Variants in RALGAPA1 observed in about 807,000 individuals in gnomAD.
RALGAPA1 encodes ral GTPase-activating protein subunit alpha-1.
A neutral mutation model predicts 269.6 loss-of-function variants in RALGAPA1; 52 were observed. The observed-to-expected ratio is 0.19, with a 90% confidence interval of 0.15 to 0.24. RALGAPA1 has a LOEUF of 0.24. Ranked by LOEUF, RALGAPA1 falls within the 10% of genes least tolerant of loss-of-function variation. The pLI, the probability that RALGAPA1 is intolerant of heterozygous loss-of-function variation, is 1.00. For synonymous variants in RALGAPA1, 817 were observed against 1,008.3 expected (o/e 0.81, Z 3.60); for missense variants, 1,917 against 3,013.9 (o/e 0.64, Z 8.52).
At chr14:35,701,123 T>C (rs1447897807) in intron 16 of RALGAPA1, among the ~76,000 whole-genome samples, 1 of 152,204 alleles carries the variant, frequency 6.6e-6, no homozygotes, top group African/African-American at 2.4e-5. Context: ...GGAGAGTCCC[T>C]AGTTCACAAA....
intron 8 of RALGAPA1, 77 bp from the exon 9 acceptor site, chr14:35,750,767 C>T (rs1459277543): frequency 5.8e-6 from 7 of 1,205,090 alleles, no homozygotes; most frequent in Admixed American, 2.3e-5. Context: ...TTTTTAAATA[C>T]TTGAGAAAAT....
At chr14:35,600,234 T>TTTTTC (rs1555369708) in intron 36 of RALGAPA1, among the ~76,000 whole-genome samples, 10 of 138,518 alleles carry the variant, frequency 7.2e-5, no homozygotes, top group African/African-American at 1.7e-4. Flanking sequence ...CTTTTTTTCT[T>TTTTTC]TTTTTTTTTT....
chr14:35,589,345 ATGACTATAGTTAAGAACAACATGC>A (rs2058496978), intron 37 of RALGAPA1, among the ~76,000 whole-genome samples: 1 of 152,176 alleles, frequency 6.6e-6, no homozygotes, highest in South Asian at 2.1e-4. Flanking sequence ...GTACAACATA[ATGACTATAGTTAAGAACAACATGC>A]TGTATACTTG....
At chr14:35,644,662 T>C (rs1243847255) in intron 31 of RALGAPA1, among the ~76,000 whole-genome samples, 2 of 152,136 alleles carry the variant, frequency 1.3e-5, no homozygotes, top group Non-Finnish European at 2.9e-5. Context: ...GGAAACCAGA[T>C]TTTTCATTGC....
chr14:35,696,738 AG>A (rs1273011457), intron 17 of RALGAPA1, among the ~76,000 whole-genome samples: 1 of 152,088 alleles, frequency 6.6e-6, no homozygotes, highest in African/African-American at 2.4e-5. Context: ...CGTTTCATTG[AG>A]GTTTTTTTTT....
chr14:35,756,926 A>G lies in RALGAPA1; in HGVS notation c.548-18T>C, dbSNP rs1372461047. ...GACTTGAGCTATCCAAAGACAAAAG[A>G]ATAGTATATAGTTACAAAACAAATT... On this transcript the variant is annotated intron_variant, in intron 6 of 41. Transcript: ENST00000680220. 3.2e-6 allele frequency: 5 copies of G among 1,585,704 alleles called. No individual in the cohort carries two copies. The highest frequency in any genetic ancestry group is 1.4e-5 in the African/African-American group (1 of 73,902).
intron 17 of RALGAPA1, among the ~76,000 whole-genome samples, chr14:35,693,088 C>T (rs1283071545): frequency 6.6e-6 from 1 of 151,810 alleles, no homozygotes; most frequent in Non-Finnish European, 1.5e-5. Context: ...TTAATCTTTA[C>T]TCTTAATCTC....
At chr14:35,626,913 C>A (rs2061024987) in intron 34 of RALGAPA1, among the ~76,000 whole-genome samples, 177 bp downstream of exon 34, 1 of 151,516 alleles carries the variant, frequency 6.6e-6, no homozygotes, top group Admixed American at 6.6e-5. Flanking sequence ...TTATTTTATT[C>A]CCCTGAATCC....
At position 35,688,640 on chromosome 14, in the gene RALGAPA1, T is replaced by C; in HGVS notation, c.3771A>G (p.Ser1257=). 3 of 1,532,898 alleles carry C rather than the reference T, an allele frequency of 2.0e-6. 1 individual carries two copies. Among genetic ancestry groups the C allele is most frequent in the Middle Eastern group, 4.1e-4 (2 of 4,932 alleles). The allele number at this position is 1,532,898 out of a possible 1,614,324, so 95.0% of individuals were successfully genotyped here. Residue 1257 remains serine (S), a synonymous_variant, in exon 18 of 42, where the codon TCA becomes TCG. Coordinates refer to ENST00000680220, the MANE Select transcript of RALGAPA1 (RefSeq NM_001346249.2). The stretch of plus-strand genomic sequence containing the variant: ...GCTGTAGTCCTGCCTCATGACTTGA[T>C]GACCTAAGAGTACTACGACTACCTA... ...SQLGSRSTLR[S]SSHEAGLQQG...
At chr14:35,598,403 A>T (rs1310814455) in intron 36 of RALGAPA1, among the ~76,000 whole-genome samples, 2 of 150,290 alleles carry the variant, frequency 1.3e-5, no homozygotes, top group Admixed American at 6.6e-5. Flanking sequence ...ATATTGTTTT[A>T]TATATATATA....
At chr14:35,618,207 T>C (rs899256442) in intron 35 of RALGAPA1, among the ~76,000 whole-genome samples, 1 of 152,130 alleles carries the variant, frequency 6.6e-6, no homozygotes, top group Admixed American at 6.5e-5. Context: ...CATAATCTGC[T>C]AATAGTGGAC....
chr14:35,756,658 C>T, intron 7 of RALGAPA1, 135 bp downstream of exon 7: 1 of 531,774 alleles, frequency 1.9e-6, no homozygotes. Context: ...AAGCCATTGA[C>T]CCTTCCCCTC....
chr14:35,645,720 A>T (rs1454117518), intron 31 of RALGAPA1, among the ~76,000 whole-genome samples: 3 of 137,326 alleles, frequency 2.2e-5, no homozygotes, highest in Non-Finnish European at 4.6e-5. Context: ...ACAGAGCGAG[A>T]CTCCATCTCC....
chr14:35,586,234 T>C (rs1050441169), intron 37 of RALGAPA1, among the ~76,000 whole-genome samples: 1 of 152,226 alleles, frequency 6.6e-6, no homozygotes, highest in Non-Finnish European at 1.5e-5. Flanking sequence ...GGGAGTTCAC[T>C]TATGATTTGG....
rs777836997 is a variant in RALGAPA1, at chr14:35,671,386, T to C, written c.5202+3A>G. 12 of 1,607,132 alleles carry C rather than the reference T, an allele frequency of 7.5e-6. No homozygotes were observed. In the East Asian group the frequency reaches 2.7e-4, roughly 36 times the overall value. On this transcript the variant is annotated splice_donor_region_variant and intron_variant, in intron 26 of 41. Transcript: ENST00000680220. Reference sequence around the variant, plus strand: ...ATATGATAAGGAACAGGAAATGACTTACATTGAGAAAAGCTGAAGAAGCCA... The same window carrying C: ...ATATGATAAGGAACAGGAAATGACTCACATTGAGAAAAGCTGAAGAAGCCA...
rs148695824 is a variant in RALGAPA1 at position 35,797,777 on chromosome 14, G to A, written c.106+10953C>T. 2.3e-3 allele frequency among the ~76,000 whole-genome samples: 347 copies of A among 151,210 alleles called. 5 individuals are homozygous for A. Among genetic ancestry groups the A allele is most frequent in the African/African-American group, 8.0e-3 (331 of 41,204 alleles). On this transcript the variant is annotated intron_variant, in intron 1 of 41. Transcript: ENST00000680220. ...GGAGAATTGCTTGAACCCGGGATAC[G>A]GAGGTTGCAGTGAGCCGAGATCCTA...
chr14:35,551,834 A>C (rs1270993825), intron 39 of RALGAPA1, among the ~76,000 whole-genome samples: 1 of 152,140 alleles, frequency 6.6e-6, no homozygotes, highest in Admixed American at 6.5e-5. Flanking sequence ...TGTATAAAAA[A>C]TATATTTAAT....
chr14:35,598,989 T>C (rs1295560497), intron 36 of RALGAPA1, among the ~76,000 whole-genome samples: 3 of 152,222 alleles, frequency 2.0e-5, no homozygotes, highest in Non-Finnish European at 1.5e-5. Context: ...GTGTACACTG[T>C]TGTACAGTTT....
At chr14:35,785,516 T>G (rs1198283288) in intron 1 of RALGAPA1, among the ~76,000 whole-genome samples, 1 of 152,226 alleles carries the variant, frequency 6.6e-6, no homozygotes, top group African/African-American at 2.4e-5. Context: ...AAATATACTT[T>G]GAAACAACAG....
Sources: gnomAD v4.1 joint callset for allele counts (sites outside exome capture counted in the v4.1 genomes callset) on GRCh38, gnomAD v4.1.1 for gene constraint, MANE v1.5 for transcripts, NCBI Gene and HGNC (gene_info 2026-07-23, HGNC 2026-07-21) for gene names.